TFEB: variants seen among roughly 807,000 people sequenced by gnomAD.
TFEB encodes transcription factor EB.
A neutral mutation model predicts 48.0 loss-of-function variants in TFEB; 12 were observed. The observed-to-expected ratio is 0.25, with a 90% CI of 0.16 to 0.40. The LOEUF (loss-of-function observed/expected upper bound fraction) is 0.40, where lower values mean the gene tolerates loss of function less well. Among genes scored for constraint, TFEB ranks in the 10% least tolerant of loss-of-function variants. TFEB has a pLI of 1.00. For missense variants in TFEB, 509 were observed against 640.3 expected (o/e 0.79, Z 2.21); for synonymous variants, 244 against 261.4 (o/e 0.93, Z 0.64).
intron 1 of TFEB, among the ~76,000 whole-genome samples, chr6:41,698,048 T>A (rs1769702173): frequency 1.3e-5 from 2 of 151,584 alleles, no homozygotes; most frequent in African/African-American, 4.9e-5. Context: ...GAAAAAAAAA[T>A]ATTTTATGCT....
intron 1 of TFEB, among the ~76,000 whole-genome samples, chr6:41,709,930 G>C (rs1211375132): frequency 6.6e-6 from 1 of 152,058 alleles, no homozygotes; most frequent in African/African-American, 2.4e-5. Flanking sequence ...GAGACCACAA[G>C]TGTGTGCCAC....
At position 41,691,500 on chromosome 6, in the gene TFEB, G is replaced by C; in HGVS notation, c.-22-265C>G. 1 of 661,998 alleles carries C rather than the reference G, an allele frequency of 1.5e-6. No individual in the cohort carries two copies. Among genetic ancestry groups the C allele is most frequent in the East Asian group, 2.8e-5 (1 of 35,824 alleles). 41.0% of individuals were successfully genotyped at this position (661,998 alleles called of 1,614,324 possible). A position where few individuals can be genotyped will look rare whatever the true frequency, so the allele number is the denominator to read the frequency against. Reference sequence around the variant, plus strand: ...AGTTGGTAAATCCCAAACTCTAAGAGTCAACTTCCACTCCTCTCTGTGTCA... The same window carrying C: ...AGTTGGTAAATCCCAAACTCTAAGACTCAACTTCCACTCCTCTCTGTGTCA... On this transcript the variant is annotated intron_variant, in intron 1 of 8. Transcript: ENST00000373033. The surrounding 1 kb of genome is among the most constrained non-coding windows in gnomAD (Gnocchi z 5.2).
chr6:41,723,858 G>T lies in TFEB; in HGVS notation c.-23+11492C>A. The T allele has an allele frequency of 2.1e-6, 1 of 485,648 alleles. No homozygotes were observed. Among genetic ancestry groups the T allele is most frequent in the Non-Finnish European group, 4.1e-6 (1 of 243,474 alleles). 30.1% of individuals were successfully genotyped at this position (485,648 alleles called of 1,614,324 possible). A position where few individuals can be genotyped will look rare whatever the true frequency, so the allele number is the denominator to read the frequency against. On this transcript the variant is annotated intron_variant, in intron 1 of 8. Coordinates refer to ENST00000373033, the MANE Select transcript of TFEB (RefSeq NM_001271944.2). This position sits in a 1 kb window ranked among gnomAD's most constrained non-coding sequence, Gnocchi z 6.0. The stretch of plus-strand genomic sequence containing the variant: ...GGCCCTAGGCAGATGGAGAGACACA[G>T]AGCAGCAAGAATTTCGCCAGAGTCC...
intron 1 of TFEB, among the ~76,000 whole-genome samples, chr6:41,732,247 G>A (rs149978111): frequency 4.7e-4 from 71 of 152,270 alleles, no homozygotes; most frequent in African/African-American, 1.7e-3. Flanking sequence ...ACCCCTTGAA[G>A]AAGTGGTCTT....
chr6:41,691,998 T>A lies in TFEB; in HGVS notation c.-22-763A>T, dbSNP rs993622063. Among the ~76,000 whole-genome samples the A allele has an allele frequency of 1.3e-5, 2 of 152,122 alleles. No homozygotes were observed. Among genetic ancestry groups the A allele is most frequent in the Non-Finnish European group, 2.9e-5 (2 of 68,028 alleles). The stretch of plus-strand genomic sequence containing the variant: ...CTGCCTGGAATGCTCTCCCCCCAGA[T>A]GACATCATGGCTCACTCCTTCACCT... On this transcript the variant is annotated intron_variant, in intron 1 of 8. Transcript: ENST00000373033. This position sits in a 1 kb window ranked among gnomAD's most constrained non-coding sequence, Gnocchi z 5.2.
chr6:41,718,391 G>A (rs558365647), intron 1 of TFEB, among the ~76,000 whole-genome samples: 10 of 150,754 alleles, frequency 6.6e-5, no homozygotes, highest in African/African-American at 2.4e-4. Flanking sequence ...GTATTTTTTT[G>A]TTTGTAGTAA....
rs1009886529 is a variant in TFEB at position 41,684,849 on chromosome 6, A to G, written c.1181T>C (p.Leu394Pro). 6.3e-7 allele frequency: 1 copy of G among 1,578,860 alleles called. No homozygotes were observed. The highest frequency in any genetic ancestry group is 8.6e-7 in the Non-Finnish European group (1 of 1,160,580). The change falls in exon 9 of 9, where the codon CTG becomes CCG. Residue 394 changes from leucine (L) to proline (P), a missense_variant. By Grantham distance (98) the Leu-to-Pro change is moderately conservative. Around this residue, in one of 4 missense-constraint regions of TFEB, gnomAD observed 168 missense variants for 161.0 expected, o/e 1.04. Coordinates refer to ENST00000373033, the MANE Select transcript of TFEB (RefSeq NM_001271944.2). The stretch of plus-strand genomic sequence containing the variant: ...AAAGCTCAGGCTGTGGCTGAAGTCC[A>G]GGTGATGGAATGGGGATGGTGGCTG... ...PTQPPSPFHH[L>P]DFSHSLSFGG...
chr6:41,687,835 G>A, intron 5 of TFEB, 26 bp from the exon 6 acceptor site: 1 of 1,612,324 alleles, frequency 6.2e-7, no homozygotes, highest in Non-Finnish European at 8.5e-7. Context: ...GAAGGAGAGA[G>A]GAGCTGGGAG....
At chr6:41,733,179 G>T in intron 1 of TFEB, 1 of 421,142 alleles carries the variant, frequency 2.4e-6, no homozygotes, top group Non-Finnish European at 3.2e-6. Context: ...CTACTTCTCA[G>T]CTTTCCAGAA....
At chr6:41,692,710 C>T (rs2127450205) in intron 1 of TFEB, among the ~76,000 whole-genome samples, 1 of 152,356 alleles carries the variant, frequency 6.6e-6, no homozygotes, top group Admixed American at 6.5e-5. Flanking sequence ...GGGTTGGACC[C>T]AGTAATTTCT....
intron 1 of TFEB, among the ~76,000 whole-genome samples, chr6:41,696,634 C>G (rs1022778336): frequency 2.6e-5 from 4 of 152,072 alleles, no homozygotes; most frequent in African/African-American, 9.7e-5. Context: ...GCAGAGGTTG[C>G]AGTGAGCCGA....
chr6:41,711,908 G>T (rs1041861707), intron 1 of TFEB, among the ~76,000 whole-genome samples: 2 of 152,230 alleles, frequency 1.3e-5, no homozygotes, highest in African/African-American at 4.8e-5. Flanking sequence ...TTCAGGCTGG[G>T]AAAGCTGAGG....
intron 1 of TFEB, among the ~76,000 whole-genome samples, chr6:41,716,237 G>A (rs1461677876): frequency 1.3e-5 from 2 of 152,156 alleles, no homozygotes; most frequent in East Asian, 1.9e-4. Context: ...GGAAAGAGCC[G>A]AGCTAGGATT....
At chr6:41,729,321 C>T (rs542449219) in intron 1 of TFEB, among the ~76,000 whole-genome samples, 3 of 152,242 alleles carry the variant, frequency 2.0e-5, no homozygotes, top group African/African-American at 7.2e-5. Context: ...CCTACCCTCC[C>T]TACATCTCTG....
intron 7 of TFEB, chr6:41,686,657 A>G (rs1769026540): frequency 1.2e-5 from 3 of 244,062 alleles, no homozygotes; most frequent in Non-Finnish European, 2.4e-5. Context: ...CTGGCACTGT[A>G]GGCACACACC....
chr6:41,730,321 G>A lies in TFEB; in HGVS notation c.-23+5029C>T, dbSNP rs568694839. ...TAGGGAAGGAGTGAGGAAGGGCTACGAGGAGGGAATATGAGCCATGGGTTT... is the reference window on the plus strand; with the variant it reads ...TAGGGAAGGAGTGAGGAAGGGCTACAAGGAGGGAATATGAGCCATGGGTTT... On this transcript the variant is annotated intron_variant, in intron 1 of 8. Coordinates refer to ENST00000373033, the MANE Select transcript of TFEB (RefSeq NM_001271944.2). The surrounding 1 kb of genome is among the most constrained non-coding windows in gnomAD (Gnocchi z 4.1). Among the ~76,000 whole-genome samples, 3 of 152,288 alleles carry A rather than the reference G, an allele frequency of 2.0e-5. No individual in the cohort carries two copies. The Middle Eastern group carries it at 0.01, about 518-fold the overall frequency.
Position 41,691,402 on chromosome 6 carries a change from A to G in TFEB, c.-22-167T>C. On this transcript the variant is annotated intron_variant, in intron 1 of 8. Coordinates refer to ENST00000373033, the MANE Select transcript of TFEB (RefSeq NM_001271944.2). The surrounding 1 kb of genome is among the most constrained non-coding windows in gnomAD (Gnocchi z 5.2). ...CCCAAGGTCACTGAGCAAGCGGGTG[A>G]CAGCTGAGACATGAATCCAAGTTTC... The G allele has an allele frequency of 1.3e-6, 1 of 762,424 alleles. No individual in the cohort carries two copies. 47.2% of individuals were successfully genotyped at this position (762,424 alleles called of 1,614,324 possible).
rs1768873843 is a variant in TFEB, at chr6:41,684,359, GGA to G, written c.*238_*239del. On this transcript the variant is annotated 3_prime_UTR_variant, in exon 9 of 9. Transcript: ENST00000373033. ...TCCCTGCCCCGCGATTCCATCTCCGGGAGAGGGGCTGAAGGCCTCTTCCCACT... is the reference window on the plus strand; with the variant it reads ...TCCCTGCCCCGCGATTCCATCTCCGGGAGGGGCTGAAGGCCTCTTCCCACT... 1 of 414,816 alleles carries G rather than the reference GGA, an allele frequency of 2.4e-6. No homozygotes were observed. 25.7% of individuals were successfully genotyped at this position (414,816 alleles called of 1,614,324 possible).
Position 41,731,555 on chromosome 6 carries a change from G to A in TFEB, c.-23+3795C>T, listed in dbSNP as rs115390661. Among the ~76,000 whole-genome samples, 1,099 of 152,190 alleles carry A rather than the reference G, an allele frequency of 7.2e-3. 18 individuals are homozygous for A. Among genetic ancestry groups the A allele is most frequent in the African/African-American group, 0.025 (1,030 of 41,496 alleles). On this transcript the variant is annotated intron_variant, in intron 1 of 8. Coordinates refer to ENST00000373033, the MANE Select transcript of TFEB (RefSeq NM_001271944.2). ...AGATTTGTAGAAGGTTCGCTTTGGA[G>A]GGAATCCCACAGATGATCCAGATTC...
Sources: gnomAD v4.1 joint callset for allele counts (sites outside exome capture counted in the v4.1 genomes callset) on GRCh38, gnomAD v4.1.1 for gene constraint, gnomAD v4.1.1 regional missense constraint, Gnocchi (gnomAD v3.1) non-coding constraint, MANE v1.5 for transcripts, NCBI Gene and HGNC (gene_info 2026-07-23, HGNC 2026-07-21) for gene names.